PTPRG: variants seen among roughly 807,000 people sequenced by gnomAD.
The protein encoded by PTPRG is receptor-type tyrosine-protein phosphatase gamma.
Under a neutral mutation model 165.3 loss-of-function variants are expected in PTPRG, and 102 were observed. That is an observed-to-expected ratio of 0.62 (90% CI 0.53 to 0.73). PTPRG has a LOEUF of 0.73. Ranked by LOEUF, PTPRG falls within the 30% of genes least tolerant of loss-of-function variation. PTPRG has a pLI of 0.00. For synonymous variants in PTPRG, 675 were observed against 669.5 expected, an observed-to-expected ratio of 1.01 and a Z score of -0.13; for missense variants, 1,866 against 1,861.4, an observed-to-expected ratio of 1.00 and a Z score of -0.05.
chr3:61,711,408 T>G (rs190612041), intron 1 of PTPRG, among the ~76,000 whole-genome samples: 41 of 152,348 alleles, frequency 2.7e-4, no homozygotes, highest in African/African-American at 9.9e-4. Context: ...GTGTTCCTAT[T>G]TCTCCATATC....
In PTPRG at chr3:61,619,686, T is replaced by C. The variant is rs192569588; in HGVS notation, c.85+57314T>C. Reference sequence around the variant, plus strand: ...ATAGTACTGGTGGGTGTATGAAACATGAATTAATAGAAAATGGTGTTTTCT... The same window carrying C: ...ATAGTACTGGTGGGTGTATGAAACACGAATTAATAGAAAATGGTGTTTTCT... On this transcript the variant is annotated intron_variant, in intron 1 of 29. Transcript: ENST00000474889. Among the ~76,000 whole-genome samples the C allele has an allele frequency of 9.9e-5, 15 of 152,236 alleles. No homozygotes were observed. In the East Asian group the frequency reaches 2.7e-3, roughly 27 times the overall value.
chr3:61,870,476 CTTTTTTTTTTTTTT>C (rs869118813), intron 2 of PTPRG, among the ~76,000 whole-genome samples: 2 of 17,978 alleles, frequency 1.1e-4, no homozygotes, highest in South Asian at 3.0e-3. Flanking sequence ...CCACACCTAG[CTTTTTTTTTTTTTT>C]TTTTTTTTTT....
chr3:62,028,761 G>A (rs773725593), intron 4 of PTPRG, among the ~76,000 whole-genome samples: 2 of 152,168 alleles, frequency 1.3e-5, no homozygotes, highest in Non-Finnish European at 2.9e-5. Context: ...GTGGCTAGAC[G>A]GGGCTAGAAA....
At chr3:62,036,245 T>C (rs756211257) in intron 4 of PTPRG, among the ~76,000 whole-genome samples, 1 of 152,162 alleles carries the variant, frequency 6.6e-6, no homozygotes, top group Non-Finnish European at 1.5e-5. Flanking sequence ...TAATAGGCCT[T>C]GAAGGAGGTG....
At chr3:61,587,882 C>G (rs567760318) in intron 1 of PTPRG, among the ~76,000 whole-genome samples, 2 of 151,072 alleles carry the variant, frequency 1.3e-5, no homozygotes, top group South Asian at 4.2e-4. Flanking sequence ...TGGTCTCAGA[C>G]TCCTGGGCTT....
chr3:61,889,615 C>G (rs747820723), intron 2 of PTPRG, among the ~76,000 whole-genome samples: 1 of 152,126 alleles, frequency 6.6e-6, no homozygotes, highest in African/African-American at 2.4e-5. Context: ...GGTTTGTATG[C>G]TTGAGTCGTT....
chr3:61,563,815 C>CT (rs1325056995), intron 1 of PTPRG, among the ~76,000 whole-genome samples: 1 of 77,936 alleles, frequency 1.3e-5, no homozygotes, highest in African/African-American at 3.6e-5. Flanking sequence ...CTTGGGGATC[C>CT]CCTCGGGGGA....
Position 61,698,555 on chromosome 3 carries a change from C to T in PTPRG, c.86-50323C>T, listed in dbSNP as rs554181064. On this transcript the variant is annotated intron_variant, in intron 1 of 29. Transcript: ENST00000474889. The stretch of plus-strand genomic sequence containing the variant: ...ACAAAACCAGGCAGGATAGATTTGG[C>T]CCATGGGACATAGTTGGCTAATCCT... Among the ~76,000 whole-genome samples the T allele has an allele frequency of 2.6e-5, 4 of 152,258 alleles. No individual in the cohort carries two copies. The South Asian group carries it at 8.3e-4, about 32-fold the overall frequency.
At chr3:61,987,573 A>G (rs1013615995) in intron 2 of PTPRG, among the ~76,000 whole-genome samples, 1 of 152,072 alleles carries the variant, frequency 6.6e-6, no homozygotes, top group Non-Finnish European at 1.5e-5. Context: ...GTCCCATATC[A>G]TTTTTCTCTG....
chr3:62,219,129 G>C lies in PTPRG; in HGVS notation c.2288+146G>C. On this transcript the variant is annotated intron_variant, in intron 13 of 29. Coordinates refer to ENST00000474889, the MANE Select transcript of PTPRG (RefSeq NM_002841.4). The surrounding 1 kb of genome is among the most constrained non-coding windows in gnomAD (Gnocchi z 4.5). Reference sequence around the variant, plus strand: ...GTCTTGCCACCCGGAAGGCCATCTTGTCTCTGTTAGATGATGGCAGGGCCA... The same window carrying C: ...GTCTTGCCACCCGGAAGGCCATCTTCTCTCTGTTAGATGATGGCAGGGCCA... The C allele has an allele frequency of 1.8e-6, 2 of 1,118,480 alleles. No individual in the cohort carries two copies. The highest frequency in any genetic ancestry group is 1.6e-5 in the African/African-American group (1 of 63,846). The allele number at this position is 1,118,480 out of a possible 1,614,324, so 69.3% of individuals were successfully genotyped here. A position where few individuals can be genotyped will look rare whatever the true frequency, so the allele number is the denominator to read the frequency against.
rs1251937010 is a variant in PTPRG, at chr3:62,210,101, A to G, written c.2155+6151A>G. On this transcript the variant is annotated intron_variant, in intron 12 of 29. Coordinates refer to ENST00000474889, the MANE Select transcript of PTPRG (RefSeq NM_002841.4). This position sits in a 1 kb window ranked among gnomAD's most constrained non-coding sequence, Gnocchi z 4.1. The stretch of plus-strand genomic sequence containing the variant: ...ATTGAAATAGAGATGACAGACCATC[A>G]TTTTGATTGTTTGAGTCTGGTGAAT... Among the ~76,000 whole-genome samples, 1 of 152,214 alleles carries G rather than the reference A, an allele frequency of 6.6e-6. No homozygotes were observed. The highest frequency in any genetic ancestry group is 1.5e-5 in the Non-Finnish European group (1 of 68,038).
chr3:61,951,935 TG>T (rs2039909087), intron 2 of PTPRG, among the ~76,000 whole-genome samples: 1 of 151,958 alleles, frequency 6.6e-6, no homozygotes, highest in Non-Finnish European at 1.5e-5. Flanking sequence ...CTGGCCAACA[TG>T]GGGAAACCCT....
chr3:61,891,903 TTTC>T (rs2038224233), intron 2 of PTPRG, among the ~76,000 whole-genome samples: 2 of 152,128 alleles, frequency 1.3e-5, no homozygotes, highest in African/African-American at 2.4e-5. Flanking sequence ...TAAGTTTTCT[TTTC>T]TTTTTTTTTT....
At chr3:62,085,803 C>G (rs1370736123) in intron 5 of PTPRG, among the ~76,000 whole-genome samples, 2 of 152,158 alleles carry the variant, frequency 1.3e-5, no homozygotes, top group African/African-American at 4.8e-5. Flanking sequence ...TTTGTTCACT[C>G]TGCATATTTC....
chr3:61,741,034 G>C (rs2032962077), intron 1 of PTPRG, among the ~76,000 whole-genome samples: 1 of 152,136 alleles, frequency 6.6e-6, no homozygotes, highest in Non-Finnish European at 1.5e-5. Flanking sequence ...ATGAGAGGTT[G>C]ATCAGAATAT....
intron 1 of PTPRG, among the ~76,000 whole-genome samples, chr3:61,677,372 C>G (rs1015380010): frequency 2.6e-5 from 4 of 152,170 alleles, no homozygotes; most frequent in African/African-American, 9.7e-5. Flanking sequence ...GAGGCAGTCT[C>G]TCTTATTCTT....
intron 26 of PTPRG, 26 bp from the exon 27 acceptor site, chr3:62,281,537 G>GATTTTTTTTTTTTTTTTTTTTTTTTTT: frequency 5.7e-6 from 1 of 174,778 alleles, no homozygotes; most frequent in Non-Finnish European, 8.2e-6. Flanking sequence ...AACTGCAGAG[G>GATTTTTTTTTTTTTTTTTTTTTTTTTT]CTTTTTTTTT....
rs1020685746 is a variant in PTPRG, at chr3:62,240,830, T to C, written c.2376-2977T>C. 6.6e-6 allele frequency among the ~76,000 whole-genome samples: 1 copy of C among 152,244 alleles called. No homozygotes were observed. Among genetic ancestry groups the C allele is most frequent in the Admixed American group, 6.5e-5 (1 of 15,288 alleles). ...CCACCTCCTCAGTGAAGTCCCTTCC[T>C]TCAGCCGACTTCATTTACCACCACA... On this transcript the variant is annotated intron_variant, in intron 14 of 29. Coordinates refer to ENST00000474889, the MANE Select transcript of PTPRG (RefSeq NM_002841.4). This position sits in a 1 kb window ranked among gnomAD's most constrained non-coding sequence, Gnocchi z 5.1.
chr3:62,212,872 C>T (rs1011843468), intron 12 of PTPRG, among the ~76,000 whole-genome samples: 4 of 152,190 alleles, frequency 2.6e-5, no homozygotes, highest in African/African-American at 7.2e-5. Context: ...AAAATAACTA[C>T]TTGGAAGGGG....
Sources: allele counts gnomAD v4.1 joint callset (sites outside exome capture counted in the v4.1 genomes callset), GRCh38; gene constraint gnomAD v4.1.1; non-coding constraint Gnocchi (gnomAD v3.1); transcripts MANE v1.5; gene names NCBI Gene and HGNC (gene_info 2026-07-23, HGNC 2026-07-21).